The following B3GALT1 variants were observed in gnomAD, a reference collection of about 807,000 sequenced individuals.
B3GALT1 encodes the protein beta-1,3-galactosyltransferase 1.
In B3GALT1, 10 loss-of-function variants were observed where a neutral mutation model predicts 23.2. The ratio of observed to expected loss-of-function variants is 0.43; its 90% CI spans 0.27 to 0.73. B3GALT1 has a LOEUF of 0.73. B3GALT1 is among the 30% of genes least tolerant of loss of function. The pLI is 0.21. For missense variants in B3GALT1, 299 were observed against 405.4 expected (o/e 0.74, Z 2.25); for synonymous variants, 156 against 141.5 (o/e 1.10, Z -0.73).
chr2:167,646,105 C>G (rs58381721), intron 2 of B3GALT1, among the ~76,000 whole-genome samples: 1 of 152,072 alleles, frequency 6.6e-6, no homozygotes, highest in African/African-American at 2.4e-5. Context: ...CTTTTGACCC[C>G]TCTTTTTATG....
At chr2:167,481,174 A>G (rs955054728) in intron 1 of B3GALT1, among the ~76,000 whole-genome samples, 4 of 152,134 alleles carry the variant, frequency 2.6e-5, no homozygotes, top group African/African-American at 9.7e-5. Context: ...CTCTGAATCA[A>G]CCTTACCCTG....
At chr2:167,600,260 A>G (rs1353296105) in intron 2 of B3GALT1, among the ~76,000 whole-genome samples, 2 of 152,162 alleles carry the variant, frequency 1.3e-5, no homozygotes, top group African/African-American at 2.4e-5. Context: ...TTACAACTCC[A>G]AGGCCACCAT....
intron 2 of B3GALT1, among the ~76,000 whole-genome samples, chr2:167,547,665 G>T (rs1286072191): frequency 7.0e-6 from 1 of 143,734 alleles, no homozygotes; most frequent in Non-Finnish European, 1.5e-5. Flanking sequence ...CTGTACTCCG[G>T]CCTGGGCAAC....
intron 1 of B3GALT1, among the ~76,000 whole-genome samples, chr2:167,469,278 G>A (rs906769691): frequency 2.6e-5 from 4 of 152,082 alleles, no homozygotes; most frequent in Non-Finnish European, 5.9e-5. Context: ...ATTAATCTGT[G>A]CCTCAGTTTC....
At chr2:167,671,085 C>T (rs1686317731) in intron 3 of B3GALT1, among the ~76,000 whole-genome samples, 1 of 152,052 alleles carries the variant, frequency 6.6e-6, no homozygotes, top group South Asian at 2.1e-4. Flanking sequence ...TGTGACAAGA[C>T]CAAGAAGGTC....
intron 1 of B3GALT1, among the ~76,000 whole-genome samples, chr2:167,448,519 TG>T (rs1231339759): frequency 3.9e-5 from 6 of 152,216 alleles, no homozygotes; most frequent in Admixed American, 3.9e-4. Flanking sequence ...ACCCGTCCTT[TG>T]TCAGATGTAT....
chr2:167,868,926 T>A lies in B3GALT1; in HGVS notation c.-114T>A. The A allele has an allele frequency of 1.5e-6, 2 of 1,296,956 alleles. No individual in the cohort carries two copies. Among genetic ancestry groups the A allele is most frequent in the Non-Finnish European group, 2.1e-6 (2 of 944,752 alleles). 80.3% of individuals were successfully genotyped at this position (1,296,956 alleles called of 1,614,324 possible). On this transcript the variant is annotated 5_prime_UTR_variant, in exon 5 of 5. Transcript: ENST00000392690. ...CCCATGGACAATCTCCACCTCACGC[T>A]TCTCTATCAAACTTGAAGATTTATT...
At chr2:167,641,626 G>A (rs1027803135) in intron 2 of B3GALT1, among the ~76,000 whole-genome samples, 1 of 152,068 alleles carries the variant, frequency 6.6e-6, no homozygotes, top group Non-Finnish European at 1.5e-5. Flanking sequence ...GACACAGTTG[G>A]GCATTCCATT....
At chr2:167,363,318 T>G (rs1033409701) in intron 1 of B3GALT1, among the ~76,000 whole-genome samples, 2 of 152,198 alleles carry the variant, frequency 1.3e-5, no homozygotes, top group South Asian at 4.2e-4. Flanking sequence ...TTTCTAATTG[T>G]TTCACTTTCA....
intron 1 of B3GALT1, among the ~76,000 whole-genome samples, chr2:167,387,385 A>G (rs545400273): frequency 6.6e-6 from 1 of 152,320 alleles, no homozygotes; most frequent in Admixed American, 6.5e-5. Flanking sequence ...GTAAAATTGG[A>G]TCTGGATAAG....
chr2:167,795,005 T>A (rs999742559), intron 3 of B3GALT1, among the ~76,000 whole-genome samples: 1 of 152,200 alleles, frequency 6.6e-6, no homozygotes, highest in South Asian at 2.1e-4. Flanking sequence ...TCTTTCTGAT[T>A]GCAAACAATT....
chr2:167,414,023 G>A (rs1698430972), intron 1 of B3GALT1, among the ~76,000 whole-genome samples: 1 of 151,964 alleles, frequency 6.6e-6, no homozygotes, highest in African/African-American at 2.4e-5. Context: ...TTCTCTATTA[G>A]GTTCATGGCT....
chr2:167,777,147 G>T (rs1403402858), intron 3 of B3GALT1, among the ~76,000 whole-genome samples: 1 of 152,094 alleles, frequency 6.6e-6, no homozygotes, highest in Admixed American at 6.6e-5. Context: ...AAAATATACA[G>T]CCCCACTGTT....
intron 1 of B3GALT1, among the ~76,000 whole-genome samples, chr2:167,375,848 G>A (rs775960935): frequency 3.4e-4 from 51 of 152,100 alleles, no homozygotes; most frequent in Non-Finnish European, 5.7e-4. Flanking sequence ...TCTGGCTAGT[G>A]CTTCCAGTAC....
chr2:167,376,137 A>G (rs1312658743), intron 1 of B3GALT1, among the ~76,000 whole-genome samples: 7 of 152,142 alleles, frequency 4.6e-5, no homozygotes, highest in East Asian at 1.9e-4. Flanking sequence ...ATTGATTTAT[A>G]TATGTCGAAC....
chr2:167,499,349 A>AT (rs1197683112), intron 2 of B3GALT1, among the ~76,000 whole-genome samples: 4 of 152,122 alleles, frequency 2.6e-5, no homozygotes, highest in Non-Finnish European at 4.4e-5. Context: ...CCCAGAAATG[A>AT]TTTTTTTAAA....
chr2:167,564,608 C>T (rs1036049568), intron 2 of B3GALT1, among the ~76,000 whole-genome samples: 1 of 152,222 alleles, frequency 6.6e-6, no homozygotes, highest in Admixed American at 6.5e-5. Flanking sequence ...CGTCTGCAAT[C>T]CCGGCACCTC....
chr2:167,615,443 G>T (rs1371790064), intron 2 of B3GALT1, among the ~76,000 whole-genome samples: 2 of 151,972 alleles, frequency 1.3e-5, no homozygotes, highest in Non-Finnish European at 2.9e-5. Flanking sequence ...CAAAATTTCA[G>T]TTAGGACAAG....
chr2:167,676,946 A>T (rs1213838005), intron 3 of B3GALT1, among the ~76,000 whole-genome samples: 1 of 152,198 alleles, frequency 6.6e-6, no homozygotes, highest in Non-Finnish European at 1.5e-5. Flanking sequence ...TAAAATTCAA[A>T]TTTGGTCCTG....
Sources: allele counts gnomAD v4.1 joint callset (sites outside exome capture counted in the v4.1 genomes callset), GRCh38; gene constraint gnomAD v4.1.1; transcripts MANE v1.5; gene names NCBI Gene and HGNC (gene_info 2026-07-23, HGNC 2026-07-21).